The following MACROD2 variants were observed in gnomAD, a reference collection of about 807,000 sequenced individuals.
MACROD2 encodes the protein mono-ADP ribosylhydrolase 2.
MACROD2 carries 36 observed loss-of-function variants against 70.4 expected under a neutral mutation model. The observed-to-expected ratio is 0.51, with a 90% CI of 0.39 to 0.68. The LOEUF is 0.68. MACROD2 is among the 30% of genes least tolerant of loss of function. The pLI is 0.00. For missense variants in MACROD2, 496 were observed against 538.4 expected (o/e 0.92, Z 0.78); for synonymous variants, 172 against 178.8 (o/e 0.96, Z 0.30).
intron 5 of MACROD2, among the ~76,000 whole-genome samples, chr20:14,947,278 A>G (rs1210735017): frequency 1.3e-5 from 2 of 152,184 alleles, no homozygotes; most frequent in Non-Finnish European, 2.9e-5. Flanking sequence ...TGGCTTTGTT[A>G]TAGAGGCAGA....
chr20:15,433,829 G>A (rs1459587542), intron 7 of MACROD2, among the ~76,000 whole-genome samples: 1 of 151,294 alleles, frequency 6.6e-6, no homozygotes, highest in Admixed American at 6.6e-5. Context: ...AAACAGCATG[G>A]TACTCCTATA....
chr20:15,515,981 A>AC (rs575143303), intron 8 of MACROD2, among the ~76,000 whole-genome samples: 79 of 152,172 alleles, frequency 5.2e-4, no homozygotes, highest in Non-Finnish European at 9.6e-4. Flanking sequence ...CAGAAAGCTC[A>AC]CCCCCAAGCC....
intron 6 of MACROD2, among the ~76,000 whole-genome samples, chr20:15,237,827 G>T (rs1601281853): frequency 1.3e-5 from 2 of 152,054 alleles, no homozygotes; most frequent in Non-Finnish European, 2.9e-5. Flanking sequence ...TCATCAGCTG[G>T]CTGAGGACTG....
intron 6 of MACROD2, among the ~76,000 whole-genome samples, chr20:15,341,665 C>T (rs1029800459): frequency 6.6e-6 from 1 of 152,196 alleles, no homozygotes; most frequent in African/African-American, 2.4e-5. Context: ...GCATACACCT[C>T]TGGAAGTCTA....
At chr20:14,337,626 A>G (rs2082963017) in intron 3 of MACROD2, 1 of 398,408 alleles carries the variant, frequency 2.5e-6, no homozygotes, top group Non-Finnish European at 4.4e-6. Context: ...GCCCACCTCC[A>G]AGTCTGAAGT....
At chr20:15,738,115 A>G (rs915892929) in intron 8 of MACROD2, among the ~76,000 whole-genome samples, 1 of 152,172 alleles carries the variant, frequency 6.6e-6, no homozygotes, top group Non-Finnish European at 1.5e-5. Flanking sequence ...AGTGAATAAA[A>G]TCTAGTAGTA....
At chr20:14,861,979 A>T (rs1213655418) in intron 5 of MACROD2, among the ~76,000 whole-genome samples, 1 of 45,384 alleles carries the variant, frequency 2.2e-5, no homozygotes. Context: ...ATATATAAAT[A>T]TATATATATA....
chr20:15,172,223 A>G (rs564455943), intron 5 of MACROD2, among the ~76,000 whole-genome samples: 6 of 152,248 alleles, frequency 3.9e-5, no homozygotes, highest in Admixed American at 2.0e-4. Context: ...AAAAAGGAAA[A>G]ATCTGCAAAT....
chr20:14,742,947 TA>T (rs563105025), intron 5 of MACROD2, among the ~76,000 whole-genome samples: 5,190 of 151,552 alleles, frequency 0.034, 322 homozygotes, highest in African/African-American at 0.12. Context: ...TTTGTATTTT[TA>T]GTAGAGACGG....
intron 3 of MACROD2, among the ~76,000 whole-genome samples, chr20:14,466,689 T>C (rs918925067): frequency 3.3e-5 from 5 of 152,130 alleles, no homozygotes; most frequent in Non-Finnish European, 7.3e-5. Flanking sequence ...TCTTTGATGA[T>C]GGTGATGTAC....
intron 3 of MACROD2, among the ~76,000 whole-genome samples, chr20:14,346,744 A>G (rs2083068173): frequency 6.6e-6 from 1 of 152,168 alleles, no homozygotes; most frequent in Non-Finnish European, 1.5e-5. Context: ...AAGGAGTAAG[A>G]AGGAGAAGGT....
At chr20:15,667,409 A>G (rs2423968) in intron 8 of MACROD2, among the ~76,000 whole-genome samples, 57,623 of 151,986 alleles carry the variant, frequency 0.38, 12,344 homozygotes, top group South Asian at 0.48. Flanking sequence ...TTCTCTTTAG[A>G]AAGTACCCAG....
At chr20:14,028,904 G>C (rs1376169247) in intron 2 of MACROD2, among the ~76,000 whole-genome samples, 1 of 152,136 alleles carries the variant, frequency 6.6e-6, no homozygotes, top group African/African-American at 2.4e-5. Context: ...ACCCAGAGTT[G>C]TCTGTTTTTC....
chr20:15,865,208 T>C (rs920542165), intron 9 of MACROD2, among the ~76,000 whole-genome samples: 1 of 152,116 alleles, frequency 6.6e-6, no homozygotes, highest in Non-Finnish European at 1.5e-5. Flanking sequence ...TGTCTGTAAA[T>C]TTTATAATTG....
intron 8 of MACROD2, among the ~76,000 whole-genome samples, chr20:15,642,198 T>G (rs2049470384): frequency 6.6e-6 from 1 of 152,178 alleles, no homozygotes; most frequent in Non-Finnish European, 1.5e-5. Flanking sequence ...TTGAAATCAG[T>G]GTAGCTCATT....
chr20:14,688,224 A>G (rs1464786719), intron 5 of MACROD2, among the ~76,000 whole-genome samples: 33 of 152,204 alleles, frequency 2.2e-4, no homozygotes, highest in Admixed American at 2.2e-3. Flanking sequence ...TACTAAAGCC[A>G]GTCATCCAGC....
intron 8 of MACROD2, among the ~76,000 whole-genome samples, chr20:15,684,530 T>A (rs180978271): frequency 3.4e-4 from 52 of 152,330 alleles, no homozygotes; most frequent in African/African-American, 1.2e-3. Flanking sequence ...ATCACAAGGG[T>A]AAGCTCATTT....
chr20:16,028,051 G>A (rs2067104042), intron 15 of MACROD2, among the ~76,000 whole-genome samples: 1 of 152,250 alleles, frequency 6.6e-6, no homozygotes, highest in South Asian at 2.1e-4. Flanking sequence ...GCTCAGTTAA[G>A]CCAAATGTGA....
At chr20:15,411,932 G>C (rs1337060782) in intron 6 of MACROD2, among the ~76,000 whole-genome samples, 1 of 152,192 alleles carries the variant, frequency 6.6e-6, no homozygotes, top group African/African-American at 2.4e-5. Context: ...TTGGATGGAA[G>C]TGCCTCTGAT....
Sources: allele counts gnomAD v4.1 joint callset (sites outside exome capture counted in the v4.1 genomes callset), GRCh38; gene constraint gnomAD v4.1.1; transcripts MANE v1.5; gene names NCBI Gene and HGNC (gene_info 2026-07-23, HGNC 2026-07-21).